KCNU1: variants seen among roughly 807,000 people sequenced by gnomAD.
KCNU1 encodes potassium calcium-activated channel subfamily U member 1.
A neutral mutation model predicts 126.8 loss-of-function variants in KCNU1; 93 were observed. The observed-to-expected ratio is 0.73, with a 90% CI of 0.62 to 0.87. KCNU1 has a LOEUF of 0.87. Among genes scored for constraint, KCNU1 ranks in the 40% least tolerant of loss-of-function variants. The pLI, the probability that KCNU1 is intolerant of heterozygous loss-of-function variation, is 0.00. For synonymous variants in KCNU1, 523 were observed against 494.2 expected, an observed-to-expected ratio of 1.06 and a Z score of -0.77; for missense variants, 1,330 against 1,367.1, an observed-to-expected ratio of 0.97 and a Z score of 0.43.
rs61744506 is a variant in KCNU1, at chr8:36,804,062, T to C, written c.351T>C (p.Leu117=). ...TCTTTGTACTAAGCATTGGGTCTCTTATAATCTATTTCATCAATTCTGCTG... is the reference window on the plus strand; with the variant it reads ...TCTTTGTACTAAGCATTGGGTCTCTCATAATCTATTTCATCAATTCTGCTG... ...ILVFVLSIGS[L]IIYFINSADP... is the part of the protein sequence containing the mutation. Residue 117 remains leucine, a synonymous_variant, in exon 3 of 27, where the codon CTT becomes CTC. Coordinates refer to ENST00000399881, the MANE Select transcript of KCNU1 (RefSeq NM_001031836.3). 333 of 1,560,068 alleles carry C rather than the reference T, an allele frequency of 2.1e-4. No individual in the cohort carries two copies. The African/African-American group carries it at 3.0e-3, about 14-fold the overall frequency.
chr8:36,816,213 T>G (rs1337336101), intron 9 of KCNU1, among the ~76,000 whole-genome samples: 1 of 152,176 alleles, frequency 6.6e-6, no homozygotes, highest in Non-Finnish European at 1.5e-5. Context: ...TAGCGCCTCC[T>G]AGATGACTGA....
chr8:36,858,153 G>A (rs1225314487), intron 18 of KCNU1, among the ~76,000 whole-genome samples: 2 of 115,484 alleles, frequency 1.7e-5, no homozygotes, highest in African/African-American at 6.6e-5. Flanking sequence ...CCCCTTGAAA[G>A]TCTAAGACAA....
intron 24 of KCNU1, among the ~76,000 whole-genome samples, chr8:36,926,949 GCCATTACTTCAATCCCAGTGAA>G (rs1808553670): frequency 6.6e-6 from 1 of 152,102 alleles, no homozygotes; most frequent in African/African-American, 2.4e-5. Flanking sequence ...GAGAACACCA[GCCATTACTTCAATCCCAGTGAA>G]CTATATTTTC....
intron 2 of KCNU1, among the ~76,000 whole-genome samples, chr8:36,789,299 T>G (rs1802819484): frequency 6.6e-6 from 1 of 151,890 alleles, no homozygotes; most frequent in Non-Finnish European, 1.5e-5. Flanking sequence ...AAGGCTGCAG[T>G]GCTGCAGTGA....
intron 3 of KCNU1, among the ~76,000 whole-genome samples, chr8:36,804,530 C>T (rs1189086772): frequency 6.6e-6 from 1 of 152,236 alleles, no homozygotes; most frequent in East Asian, 1.9e-4. Flanking sequence ...CAGCCCTCAC[C>T]TGTGACAAAG....
intron 19 of KCNU1, among the ~76,000 whole-genome samples, chr8:36,870,477 A>T (rs1302112060): frequency 6.6e-6 from 1 of 152,078 alleles, no homozygotes; most frequent in African/African-American, 2.4e-5. Context: ...CTGTGTTCCA[A>T]ACTATTCAGG....
intron 2 of KCNU1, 131 bp downstream of exon 2, chr8:36,787,556 C>T (rs530769345): frequency 1.0e-5 from 7 of 685,652 alleles, no homozygotes; most frequent in African/African-American, 7.4e-5. Context: ...AATATCACCA[C>T]CTCCCCATCC....
At chr8:36,890,935 T>A (rs1806939031) in intron 19 of KCNU1, among the ~76,000 whole-genome samples, 2 of 151,864 alleles carry the variant, frequency 1.3e-5, no homozygotes, top group African/African-American at 4.8e-5. Flanking sequence ...TTTCAACCTA[T>A]TTTTGCTTTG....
chr8:36,835,017 G>A, intron 12 of KCNU1, 149 bp downstream of exon 12: 1 of 594,954 alleles, frequency 1.7e-6, no homozygotes, highest in East Asian at 2.9e-5. Context: ...CTTTTTGCCT[G>A]CTCCCCAAGA....
chr8:36,822,107 A>T (rs1273033797), intron 10 of KCNU1, among the ~76,000 whole-genome samples: 1 of 152,092 alleles, frequency 6.6e-6, no homozygotes, highest in African/African-American at 2.4e-5. Context: ...GACTCATTTT[A>T]ACCAAGAAGA....
At position 36,791,756 on chromosome 8, in the gene KCNU1, G is replaced by A. The variant is rs190067485; in HGVS notation, c.315+4331G>A. Reference sequence around the variant, plus strand: ...TTTTCCTAATGTAATGCAACCTCTCGGAAAAAAAATGAGAAAAACATAAAA... The same window carrying A: ...TTTTCCTAATGTAATGCAACCTCTCAGAAAAAAAATGAGAAAAACATAAAA... On this transcript the variant is annotated intron_variant, in intron 2 of 26. Coordinates refer to ENST00000399881, the MANE Select transcript of KCNU1 (RefSeq NM_001031836.3). 2.1e-3 allele frequency among the ~76,000 whole-genome samples: 313 copies of A among 151,312 alleles called. 6 individuals carry two copies. Among genetic ancestry groups the A allele is most frequent in the South Asian group, 5.6e-3 (27 of 4,784 alleles).
At chr8:36,874,495 G>A (rs1243971774) in intron 19 of KCNU1, among the ~76,000 whole-genome samples, 1 of 152,112 alleles carries the variant, frequency 6.6e-6, no homozygotes, top group Non-Finnish European at 1.5e-5. Context: ...GTACAGAGTG[G>A]CAGGACATTC....
At chr8:36,903,881 TA>T (rs1228258781) in intron 19 of KCNU1, among the ~76,000 whole-genome samples, 5 of 152,260 alleles carry the variant, frequency 3.3e-5, no homozygotes, top group Non-Finnish European at 7.4e-5. Context: ...AAGCCCCTTA[TA>T]AAACCATCAG....
At chr8:36,833,699 G>C in intron 11 of KCNU1, 40 bp downstream of exon 11, 1 of 1,185,608 alleles carries the variant, frequency 8.4e-7, no homozygotes, top group South Asian at 1.2e-5. Flanking sequence ...GTTTTCCTTA[G>C]TTGCAACAAT....
intron 19 of KCNU1, chr8:36,888,632 TC>T (rs760503368): frequency 1.1e-4 from 60 of 534,206 alleles, no homozygotes; most frequent in Non-Finnish European, 1.9e-4. Context: ...TGGCAGAAAT[TC>T]CTCCTCTGAA....
chr8:36,837,303 GA>G (rs1179305028), intron 14 of KCNU1, among the ~76,000 whole-genome samples: 5 of 151,996 alleles, frequency 3.3e-5, no homozygotes, highest in African/African-American at 1.2e-4. Context: ...ATTAATGAAG[GA>G]TTCATATATT....
At chr8:36,924,930 G>A (rs1215635365) in intron 24 of KCNU1, among the ~76,000 whole-genome samples, 2 of 152,142 alleles carry the variant, frequency 1.3e-5, no homozygotes, top group Non-Finnish European at 2.9e-5. Context: ...TTGATCAGAA[G>A]GGCAGGATGG....
At chr8:36,897,702 C>T (rs1807252948) in intron 19 of KCNU1, among the ~76,000 whole-genome samples, 2 of 152,138 alleles carry the variant, frequency 1.3e-5, no homozygotes, top group Non-Finnish European at 2.9e-5. Flanking sequence ...TGCACTTCTA[C>T]GGCCCACTAA....
At chr8:36,805,117 C>A (rs746170162) in intron 3 of KCNU1, 78 bp from the exon 4 acceptor site, 3 of 965,104 alleles carry the variant, frequency 3.1e-6, no homozygotes, top group Admixed American at 2.4e-5. Context: ...TTTTCCTATT[C>A]TTTCCCTTTA....
Sources: gnomAD v4.1 joint callset for allele counts (sites outside exome capture counted in the v4.1 genomes callset) on GRCh38, gnomAD v4.1.1 for gene constraint, MANE v1.5 for transcripts, NCBI Gene and HGNC (gene_info 2026-07-23, HGNC 2026-07-21) for gene names.